The following DNAH10 variants were observed in gnomAD, a reference collection of about 807,000 sequenced individuals.
The protein encoded by DNAH10 is dynein axonemal heavy chain 10, also known as axonemal beta dynein heavy chain 10.
In DNAH10, 348 loss-of-function variants were observed where a neutral mutation model predicts 506.6. The observed-to-expected ratio is 0.69, with a 90% CI of 0.63 to 0.75. DNAH10 has a LOEUF of 0.75. Ranked by LOEUF, DNAH10 falls within the 30% of genes least tolerant of loss-of-function variation. The pLI, the probability that DNAH10 is intolerant of heterozygous loss-of-function variation, is 0.00. For synonymous variants in DNAH10, 2,059 were observed against 2,198.6 expected (o/e 0.94, Z 1.78); for missense variants, 5,179 against 5,787.1 (o/e 0.89, Z 3.41).
rs1953587787 is a variant in DNAH10 at position 123,902,858 on chromosome 12, A to G, written c.9641-81A>G. ...CTAGGGCTCAAGCCAACCTTTGAGG[A>G]CTGCACTCTGCTCAGAGCCGGGGCC... On this transcript the variant is annotated intron_variant, in intron 56 of 78. Coordinates refer to ENST00000673944, the MANE Select transcript of DNAH10 (RefSeq NM_001372106.1). The surrounding 1 kb of genome is among the most constrained non-coding windows in gnomAD (Gnocchi z 4.5). 6.8e-7 allele frequency: 1 copy of G among 1,467,440 alleles called. No individual in the cohort carries two copies. Among genetic ancestry groups the G allele is most frequent in the Admixed American group, 2.4e-5 (1 of 42,394 alleles). The allele number at this position is 1,467,440 out of a possible 1,614,324, so 90.9% of individuals were successfully genotyped here. A position where few individuals can be genotyped will look rare whatever the true frequency, so the allele number is the denominator to read the frequency against.
chr12:123,867,325 A>G (rs1172274969), intron 41 of DNAH10, 142 bp from the exon 42 acceptor site: 12 of 845,906 alleles, frequency 1.4e-5, no homozygotes, highest in Non-Finnish European at 2.0e-5. Context: ...ATAGGGCACT[A>G]TTATCAGGAT....
chr12:123,854,296 T>A (rs1259219348), intron 36 of DNAH10, among the ~76,000 whole-genome samples: 2 of 152,112 alleles, frequency 1.3e-5, no homozygotes, highest in African/African-American at 4.8e-5. Flanking sequence ...GTGGGTCATA[T>A]CTTCTGAACT....
intron 18 of DNAH10, among the ~76,000 whole-genome samples, chr12:123,806,941 TG>T (rs1594074648): frequency 1.3e-5 from 2 of 152,146 alleles, no homozygotes; most frequent in East Asian, 1.9e-4. Context: ...CTAATTCTTT[TG>T]TATTTTTAGT....
chr12:123,915,132 T>C (rs1954413338), intron 62 of DNAH10, 133 bp downstream of exon 62: 1 of 1,261,444 alleles, frequency 7.9e-7, no homozygotes, highest in Non-Finnish European at 1.1e-6. Flanking sequence ...CTGACCCCCA[T>C]GCGGAGCCCT....
rs868846962 is a variant in DNAH10 at position 123,896,156 on chromosome 12, G to T, written c.9280+1433G>T. Among the ~76,000 whole-genome samples the T allele has an allele frequency of 2.0e-3, 165 of 83,704 alleles. 2 individuals are homozygous for T. The highest frequency in any genetic ancestry group is 3.5e-3 in the African/African-American group (74 of 21,246). The allele number at this position is 83,704 out of a possible 152,430, so 54.9% of individuals were successfully genotyped here. A position where few individuals can be genotyped will look rare whatever the true frequency, so the allele number is the denominator to read the frequency against. On this transcript the variant is annotated intron_variant, in intron 54 of 78. Coordinates refer to ENST00000673944, the MANE Select transcript of DNAH10 (RefSeq NM_001372106.1). ...ACACACACACACACACACAGAGAGA[G>T]AGAGAGAGAGAGAGAGAGAGAGAGA...
In DNAH10 at chr12:123,777,023, T is replaced by C. The variant is rs926562636; in HGVS notation, c.621+2759T>C. Among the ~76,000 whole-genome samples the C allele has an allele frequency of 2.6e-5, 4 of 152,058 alleles. No individual in the cohort carries two copies. The East Asian group carries it at 7.7e-4, about 29-fold the overall frequency. On this transcript the variant is annotated intron_variant, in intron 5 of 78. Coordinates refer to ENST00000673944, the MANE Select transcript of DNAH10 (RefSeq NM_001372106.1). ...AGGTGGAAAGGTGGGGCTTTTGCAA[T>C]TTTAGATAGGGTGGCCAGGAAGACT...
intron 24 of DNAH10, among the ~76,000 whole-genome samples, chr12:123,825,224 G>A (rs570099212): frequency 1.3e-5 from 2 of 149,224 alleles, no homozygotes; most frequent in South Asian, 2.1e-4. Context: ...ACTGGTGACT[G>A]CAACAAGAAA....
Position 123,902,915 on chromosome 12 carries a change from C to T in DNAH10, c.9641-24C>T, listed in dbSNP as rs1429147274. 1.3e-6 allele frequency: 2 copies of T among 1,561,608 alleles called. No homozygotes were observed. Among genetic ancestry groups the T allele is most frequent in the African/African-American group, 1.4e-5 (1 of 73,138 alleles). ...GCATCTCCTCTGAGCCCAAGCTTTA[C>T]TCACCCCCTGTCCTACCCTGCAGCC... On this transcript the variant is annotated intron_variant, in intron 56 of 78. Transcript: ENST00000673944. The surrounding 1 kb of genome is among the most constrained non-coding windows in gnomAD (Gnocchi z 4.5).
At position 123,903,072 on chromosome 12, in the gene DNAH10, G is replaced by A; in HGVS notation, c.9774G>A (p.Leu3258=). Residue 3258 remains leucine, a synonymous_variant, in exon 57 of 79, where the codon CTG becomes CTA. Coordinates refer to ENST00000673944, the MANE Select transcript of DNAH10 (RefSeq NM_001372106.1). This position sits in a 1 kb window ranked among gnomAD's most constrained non-coding sequence, Gnocchi z 4.6. Reference sequence around the variant, plus strand: ...TGCCCATCCTGGAGGCCGCCAAGCTGGAACTGCAGAAGCTGGACAAGTCGG... The same window carrying A: ...TGCCCATCCTGGAGGCCGCCAAGCTAGAACTGCAGAAGCTGGACAAGTCGG... The part of the protein sequence containing the change: ...EVMPILEAAK[L]ELQKLDKSDV... The A allele has an allele frequency of 6.2e-7, 1 of 1,611,996 alleles. No homozygotes were observed. Among genetic ancestry groups the A allele is most frequent in the Non-Finnish European group, 8.5e-7 (1 of 1,179,076 alleles).
chr12:123,903,457 C>T lies in DNAH10; in HGVS notation c.9815+344C>T, dbSNP rs531283893. Reference sequence around the variant, plus strand: ...CCGCCCTAAGCAGGGGCAGGATGCTCACCATGGGGCTGAGCCCTGCTGAAA... The same window carrying T: ...CCGCCCTAAGCAGGGGCAGGATGCTTACCATGGGGCTGAGCCCTGCTGAAA... On this transcript the variant is annotated intron_variant, in intron 57 of 78. Transcript: ENST00000673944. This position sits in a 1 kb window ranked among gnomAD's most constrained non-coding sequence, Gnocchi z 4.6. 9.2e-5 allele frequency among the ~76,000 whole-genome samples: 14 copies of T among 152,336 alleles called. No homozygotes were observed. The South Asian group carries it at 1.2e-3, about 14-fold the overall frequency.
intron 24 of DNAH10, among the ~76,000 whole-genome samples, chr12:123,826,080 C>T (rs1439568456): frequency 6.6e-6 from 1 of 151,918 alleles, no homozygotes; most frequent in African/African-American, 2.4e-5. Flanking sequence ...ACTGTGATCA[C>T]ACCATTGCAC....
At chr12:123,797,892 A>G (rs1265645732) in intron 13 of DNAH10, among the ~76,000 whole-genome samples, 1 of 152,232 alleles carries the variant, frequency 6.6e-6, no homozygotes, top group Non-Finnish European at 1.5e-5. Flanking sequence ...AGATCCCGAT[A>G]GTAAATATTT....
chr12:123,765,835 A>G (rs552692590), intron 1 of DNAH10, among the ~76,000 whole-genome samples: 96 of 145,944 alleles, frequency 6.6e-4, no homozygotes, highest in Non-Finnish European at 1.1e-3. Flanking sequence ...ATCTCTATCT[A>G]TATATCTATC....
chr12:123,765,098 C>A (rs961829489), intron 1 of DNAH10, among the ~76,000 whole-genome samples: 1 of 151,914 alleles, frequency 6.6e-6, no homozygotes, highest in Non-Finnish European at 1.5e-5. Context: ...TTCTGCCCCC[C>A]TTCCCCGGTC....
chr12:123,800,541 C>G (rs1425453164), intron 15 of DNAH10, among the ~76,000 whole-genome samples, 153 bp downstream of exon 15: 1 of 151,966 alleles, frequency 6.6e-6, no homozygotes, highest in Non-Finnish European at 1.5e-5. Flanking sequence ...GAAGCTAAGG[C>G]CTGGGCGTTG....
chr12:123,861,140 TCAACAAGC>T lies in DNAH10; in HGVS notation c.6884_6891del (p.Lys2295ArgfsTer11). The T allele has an allele frequency of 6.2e-7, 1 of 1,613,536 alleles. No individual in the cohort carries two copies. The highest frequency in any genetic ancestry group is 1.1e-5 in the South Asian group (1 of 91,010). On this transcript the variant is annotated frameshift_variant, in exon 39 of 79. Transcript: ENST00000673944. LOFTEE classifies it high-confidence loss of function. ...GTGTTGTCAAACATCTTCAGGGAAA[TCAACAAGC>T]CAACAGACAAGAAGGAGCGAAAGTG...
At chr12:123,836,875 C>A (rs1961187511) in intron 28 of DNAH10, among the ~76,000 whole-genome samples, 1 of 150,020 alleles carries the variant, frequency 6.7e-6, no homozygotes. Flanking sequence ...TTTTTTGAGA[C>A]AGAGTCTCGC....
intron 8 of DNAH10, among the ~76,000 whole-genome samples, chr12:123,784,978 A>G (rs571914012): frequency 5.3e-5 from 8 of 152,174 alleles, no homozygotes; most frequent in South Asian, 4.1e-4. Context: ...TGGTTTCTCT[A>G]TTCATCAGTC....
chr12:123,854,069 G>GTTTT (rs10648649), intron 36 of DNAH10, among the ~76,000 whole-genome samples: 1,299 of 116,880 alleles, frequency 0.011, 16 homozygotes, highest in African/African-American at 0.027. Context: ...ACACATTTGG[G>GTTTT]TTTTTTTTTT....
Sources: allele counts gnomAD v4.1 joint callset (sites outside exome capture counted in the v4.1 genomes callset), GRCh38; gene constraint gnomAD v4.1.1; non-coding constraint Gnocchi (gnomAD v3.1); transcripts MANE v1.5; gene names NCBI Gene and HGNC (gene_info 2026-07-23, HGNC 2026-07-21).